EVL: variants seen among roughly 807,000 people sequenced by gnomAD.
EVL encodes ena/VASP-like protein.
A neutral mutation model predicts 59.6 loss-of-function variants in EVL; 21 were observed. The observed-to-expected ratio is 0.35, with a 90% CI of 0.25 to 0.51. The LOEUF is 0.51. EVL is among the 20% of genes least tolerant of loss of function. The pLI, the probability that EVL is intolerant of heterozygous loss-of-function variation, is 0.97. For missense variants in EVL, 462 were observed against 546.6 expected (o/e 0.85, Z 1.54); for synonymous variants, 198 against 203.5 (o/e 0.97, Z 0.23).
intron 1 of EVL, among the ~76,000 whole-genome samples, chr14:100,014,067 G>A (rs1368452847): frequency 7.2e-5 from 11 of 152,166 alleles, no homozygotes; most frequent in African/African-American, 2.6e-4. Flanking sequence ...ATTTTTAAAT[G>A]TACAATAAAT....
chr14:100,060,565 A>G (rs1251384755), upstream of EVL, among the ~76,000 whole-genome samples: 1 of 152,218 alleles, frequency 6.6e-6, no homozygotes, highest in East Asian at 1.9e-4. Context: ...ATCAATAGAT[A>G]TCTAATCTGA....
rs1213369545 is a variant in EVL at position 100,130,623 on chromosome 14, G to A, written c.839+939G>A. Among the ~76,000 whole-genome samples the A allele has an allele frequency of 6.6e-6, 1 of 152,224 alleles. No individual in the cohort carries two copies. Among genetic ancestry groups the A allele is most frequent in the Non-Finnish European group, 1.5e-5 (1 of 68,038 alleles). ...CCAGGGTCTTCACACTGCAGTCCTA[G>A]TTCCTCTCATTACCTTCCCGTGGCT... On this transcript the variant is annotated intron_variant, in intron 7 of 13. Coordinates refer to ENST00000392920, the MANE Select transcript of EVL (RefSeq NM_016337.3). This position sits in a 1 kb window ranked among gnomAD's most constrained non-coding sequence, Gnocchi z 4.8.
At chr14:100,048,220 C>A (rs1299871970) in intron 1 of EVL, among the ~76,000 whole-genome samples, 2 of 152,074 alleles carry the variant, frequency 1.3e-5, no homozygotes, top group African/African-American at 4.8e-5. Flanking sequence ...AATGAAAAGA[C>A]GAGAGACAGA....
chr14:99,998,399 G>A (rs1424464654), intron 1 of EVL, among the ~76,000 whole-genome samples: 1 of 152,050 alleles, frequency 6.6e-6, no homozygotes, highest in Non-Finnish European at 1.5e-5. Flanking sequence ...CCTTCCCATG[G>A]ATCTCTAATT....
exon 1 of EVL, chr14:99,971,454 G>C (rs2060730640): frequency 6.6e-6 from 1 of 151,844 alleles, no homozygotes; most frequent in Admixed American, 6.6e-5. Context: ...CGGACGGTGG[G>C]GCCCCGCGCC....
At chr14:100,084,182 G>C (rs893832751) in intron 1 of EVL, among the ~76,000 whole-genome samples, 4 of 151,710 alleles carry the variant, frequency 2.6e-5, no homozygotes, top group African/African-American at 9.7e-5. Context: ...CTCCCGAGTA[G>C]CTAGGATTAC....
At chr14:100,094,088 A>G (rs1286825806) in intron 2 of EVL, among the ~76,000 whole-genome samples, 1 of 152,170 alleles carries the variant, frequency 6.6e-6, no homozygotes, top group African/African-American at 2.4e-5. Context: ...CTTGGAACCA[A>G]TTCTGCATGG....
chr14:100,029,367 G>A (rs1246422273), intron 1 of EVL, among the ~76,000 whole-genome samples: 5 of 152,146 alleles, frequency 3.3e-5, no homozygotes, highest in East Asian at 3.9e-4. Context: ...GGATGTGGGA[G>A]GGCCCTTTTG....
intron 13 of EVL, chr14:100,142,022 C>A: frequency 2.3e-6 from 1 of 433,778 alleles, no homozygotes. Context: ...ACACCCGAAT[C>A]TGACCTTCCA....
chr14:100,137,278 C>T (rs1888859556), intron 9 of EVL: 1 of 460,524 alleles, frequency 2.2e-6, no homozygotes, highest in Non-Finnish European at 4.0e-6. Context: ...CCGGGGAGGT[C>T]GTGCTTGCTC....
rs777894193 is a variant in EVL at position 100,123,536 on chromosome 14, C to T, written c.359-3C>T. ...CACTGTTTCTGTGCTTCTCTGCCCA[C>T]AGGCCCCTCCAGCCAGCGTCAGGTG... On this transcript the variant is annotated splice_polypyrimidine_tract_variant and splice_region_variant and intron_variant, in intron 3 of 13. Transcript: ENST00000392920. 2 of 1,613,930 alleles carry T rather than the reference C, an allele frequency of 1.2e-6. No homozygotes were observed. Among genetic ancestry groups the T allele is most frequent in the South Asian group, 2.2e-5 (2 of 91,046 alleles).
chr14:100,055,686 C>G (rs1392617442), intron 1 of EVL, among the ~76,000 whole-genome samples: 1 of 152,166 alleles, frequency 6.6e-6, no homozygotes, highest in Non-Finnish European at 1.5e-5. Context: ...TTGTAGGTGA[C>G]TTGGTTTTAT....
upstream of EVL, chr14:100,065,347 T>C (rs912263435): frequency 1.4e-5 from 11 of 760,982 alleles, no homozygotes; most frequent in Admixed American, 5.1e-4. Context: ...TTCCCCTTTG[T>C]CTCTGGTTCA....
chr14:100,067,215 G>T (rs1198443649), intron 1 of EVL, among the ~76,000 whole-genome samples: 1 of 152,258 alleles, frequency 6.6e-6, no homozygotes, highest in African/African-American at 2.4e-5. Flanking sequence ...AAGGTCAGCA[G>T]CCATAGGAGC....
intron 3 of EVL, among the ~76,000 whole-genome samples, chr14:100,112,685 T>C (rs1887081916): frequency 6.6e-6 from 1 of 152,236 alleles, no homozygotes; most frequent in South Asian, 2.1e-4. Context: ...TCAGGGCTCC[T>C]TCCCTCACTT....
In EVL at chr14:100,123,593, T is replaced by C. The variant is rs1887837386; in HGVS notation, c.413T>C (p.Ile138Thr). 1 of 1,613,994 alleles carries C rather than the reference T, an allele frequency of 6.2e-7. No individual in the cohort carries two copies. The highest frequency in any genetic ancestry group is 1.1e-5 in the South Asian group (1 of 91,050). Reference sequence around the variant, plus strand: ...GGCCCCTCTCCTGATGAGATGGACATCCAGAGAAGGTAACCCAGCACCCGC... The same window carrying C: ...GGCCCCTCTCCTGATGAGATGGACACCCAGAGAAGGTAACCCAGCACCCGC... ...QNGPSPDEMD[I>T]QRRQVMEQHQ... Residue 138 changes from isoleucine to threonine, a missense_variant, in exon 4 of 14, where the codon ATC becomes ACC. Transcript: ENST00000392920.
intron 1 of EVL, among the ~76,000 whole-genome samples, chr14:100,082,470 CCT>C (rs2062333916): frequency 6.6e-6 from 1 of 152,102 alleles, no homozygotes; most frequent in African/African-American, 2.4e-5. Flanking sequence ...TGCAGAGCAC[CCT>C]GTGTGACTCT....
chr14:100,135,535 CA>C (rs890957015), intron 8 of EVL: 26 of 244,486 alleles, frequency 1.1e-4, no homozygotes, highest in Admixed American at 1.5e-4. Context: ...GTGTGTGCTG[CA>C]CAGGGGGAGC....
chr14:100,005,958 C>A (rs1366504749), intron 1 of EVL, among the ~76,000 whole-genome samples: 1 of 137,180 alleles, frequency 7.3e-6, no homozygotes, highest in Non-Finnish European at 1.5e-5. Flanking sequence ...TAAATAAAGC[C>A]CTTTAAGTCA....
Sources: allele counts gnomAD v4.1 joint callset (sites outside exome capture counted in the v4.1 genomes callset), GRCh38; gene constraint gnomAD v4.1.1; non-coding constraint Gnocchi (gnomAD v3.1); transcripts MANE v1.5; gene names NCBI Gene and HGNC (gene_info 2026-07-23, HGNC 2026-07-21).